Variants in SEMA4D observed in about 807,000 individuals in gnomAD.
The protein encoded by SEMA4D is semaphorin-4D.
In SEMA4D, 22 loss-of-function variants were observed where a neutral mutation model predicts 74.8. That is an observed-to-expected ratio of 0.29 (90% confidence interval 0.21 to 0.42). The LOEUF (loss-of-function observed/expected upper bound fraction) is 0.42. Among genes scored for constraint, SEMA4D ranks in the 10% least tolerant of loss-of-function variants. The probability of loss-of-function intolerance (pLI) is 1.00; values close to 1 mark genes in which losing one functional copy is unlikely to be tolerated. For missense variants in SEMA4D, 937 were observed against 1,118.4 expected (o/e 0.84, Z 2.31); for synonymous variants, 445 against 463.7 (o/e 0.96, Z 0.52).
At chr9:89,424,056 C>T (rs991569535) in intron 2 of SEMA4D, among the ~76,000 whole-genome samples, 2 of 151,256 alleles carry the variant, frequency 1.3e-5, no homozygotes, top group Admixed American at 1.3e-4. Context: ...CCCTCAGCAC[C>T]TCCCCTTTCT....
At chr9:89,448,677 T>C (rs1853576784) in intron 2 of SEMA4D, among the ~76,000 whole-genome samples, 1 of 152,190 alleles carries the variant, frequency 6.6e-6, no homozygotes, top group Non-Finnish European at 1.5e-5. Context: ...AGCTATTCAA[T>C]GAAAGGGCTT....
intron 1 of SEMA4D, among the ~76,000 whole-genome samples, chr9:89,460,376 G>A (rs1254565885): frequency 6.6e-6 from 1 of 152,256 alleles, no homozygotes; most frequent in Admixed American, 6.5e-5. Context: ...CTCATGGTCA[G>A]CATGTGGCCA....
At chr9:89,376,501 G>A (rs1021419179), downstream of SEMA4D, 4 of 220,846 alleles carry the variant, frequency 1.8e-5, no homozygotes, top group African/African-American at 4.5e-5. Flanking sequence ...CTGACCACTC[G>A]TTGTGTATTG....
At chr9:89,423,476 C>T (rs1405486438) in intron 2 of SEMA4D, among the ~76,000 whole-genome samples, 1 of 152,176 alleles carries the variant, frequency 6.6e-6, no homozygotes, top group Non-Finnish European at 1.5e-5. Flanking sequence ...AGGCATGAGC[C>T]ACTGTGTCCG....
intron 6 of SEMA4D, among the ~76,000 whole-genome samples, chr9:89,395,651 G>T (rs1299811133): frequency 6.6e-6 from 1 of 152,100 alleles, no homozygotes; most frequent in African/African-American, 2.4e-5. Flanking sequence ...AGGACTGAGG[G>T]TCTTACTATC....
Position 89,449,565 on chromosome 9 carries a change from G to A in SEMA4D, c.-244+6323C>T, listed in dbSNP as rs934553785. ...AGTGGTGGTGGCAGGAAGATGTCAGGCAAAGACGAGCAGCAGGAGCAAACT... is the reference window on the plus strand; with the variant it reads ...AGTGGTGGTGGCAGGAAGATGTCAGACAAAGACGAGCAGCAGGAGCAAACT... On this transcript the variant is annotated intron_variant, in intron 2 of 15. Coordinates refer to ENST00000422704, the MANE Select transcript of SEMA4D (RefSeq NM_001371194.2). 28 of 807,570 alleles carry A rather than the reference G, an allele frequency of 3.5e-5. No individual in the cohort carries two copies. The African/African-American group carries it at 4.4e-4, about 13-fold the overall frequency. The allele number at this position is 807,570 out of a possible 1,614,324, so 50.0% of individuals were successfully genotyped here.
Position 89,377,984 on chromosome 9 carries a change from AAAAG to A in SEMA4D, c.*716_*719del, listed in dbSNP as rs971170487. On this transcript the variant is annotated 3_prime_UTR_variant, in exon 16 of 16. Transcript: ENST00000422704. ...GAATAAAGTTAAAAAAAAAAAAAGA[AAAAG>A]AAAAAAGGTGAGTGGGCTCCGGGGA... The A allele has an allele frequency of 3.3e-5, 5 of 152,622 alleles. No homozygotes were observed. Among genetic ancestry groups the A allele is most frequent in the African/African-American group, 1.2e-4 (5 of 41,572 alleles). The allele number at this position is 152,622 out of a possible 1,614,324, so 9.5% of individuals were successfully genotyped here.
At chr9:89,443,687 G>A (rs1852186863) in intron 2 of SEMA4D, among the ~76,000 whole-genome samples, 1 of 152,216 alleles carries the variant, frequency 6.6e-6, no homozygotes, top group Admixed American at 6.5e-5. Flanking sequence ...TGTCCTGGCT[G>A]TGAGTCCTGT....
intron 2 of SEMA4D, among the ~76,000 whole-genome samples, chr9:89,444,213 C>G (rs964421354): frequency 6.6e-6 from 1 of 152,210 alleles, no homozygotes; most frequent in African/African-American, 2.4e-5. Context: ...ACCTTGGCCT[C>G]CCTCCCCACC....
chr9:89,385,165 C>T, intron 13 of SEMA4D: 1 of 889,696 alleles, frequency 1.1e-6, no homozygotes, highest in South Asian at 5.1e-5. Context: ...TCTGTGCGGC[C>T]CTCCTCTTCC....
At chr9:89,469,353 T>TC (rs752272531) in intron 1 of SEMA4D, among the ~76,000 whole-genome samples, 26,083 of 152,162 alleles carry the variant, frequency 0.17, no homozygotes, top group East Asian at 0.27. Flanking sequence ...TTGGTAGAAT[T>TC]TTCCAGTAAA....
chr9:89,495,506 C>T lies in SEMA4D; in HGVS notation c.-310+2413G>A, dbSNP rs559508095. ...GGAACTGCACCTGCCAAGCCCAGGG[C>T]GGACCCTGGCCCAGGGAAGAGAGGA... is the stretch of plus-strand genomic sequence containing the variant. On this transcript the variant is annotated intron_variant, in intron 1 of 15. Coordinates refer to ENST00000422704, the MANE Select transcript of SEMA4D (RefSeq NM_001371194.2). Among the ~76,000 whole-genome samples, 155 of 152,226 alleles carry T rather than the reference C, an allele frequency of 1.0e-3. 1 individual carries two copies. Among genetic ancestry groups the T allele is most frequent in the African/African-American group, 3.5e-3 (147 of 41,538 alleles).
intron 2 of SEMA4D, among the ~76,000 whole-genome samples, chr9:89,420,457 G>C (rs1343035894): frequency 3.3e-5 from 5 of 152,254 alleles, no homozygotes; most frequent in African/African-American, 1.2e-4. Flanking sequence ...AATTAGGAGA[G>C]AGAAGCATTT....
intron 1 of SEMA4D, among the ~76,000 whole-genome samples, chr9:89,480,686 C>T (rs1029714053): frequency 6.6e-6 from 1 of 152,238 alleles, no homozygotes; most frequent in Non-Finnish European, 1.5e-5. Flanking sequence ...TTGCCCGGGG[C>T]CAGAAGGGCT....
At position 89,379,206 on chromosome 9, in the gene SEMA4D, G is replaced by C. The variant is rs1405404257; in HGVS notation, c.2087C>G (p.Thr696Ser). The change falls in exon 16 of 16, where the codon ACC (threonine) becomes AGC (serine). Residue 696 changes from threonine to serine, a missense_variant. Physicochemically the swap from Thr to Ser is moderately conservative, Grantham distance 58. Transcript: ENST00000422704. ...AVQATSSGAI[T>S]LPPKPAPTGT... is the part of the protein sequence containing the mutation. ...GGTGGGCGCAGGCTTGGGAGGAAGG[G>C]TGATGGCCCCGGAGGAGGTGGCCTG... 1 of 1,613,998 alleles carries C rather than the reference G, an allele frequency of 6.2e-7. No homozygotes were observed. Among genetic ancestry groups the C allele is most frequent in the Non-Finnish European group, 8.5e-7 (1 of 1,179,966 alleles).
chr9:89,374,120 G>A (rs1418300274), downstream of SEMA4D, among the ~76,000 whole-genome samples: 1 of 152,208 alleles, frequency 6.6e-6, no homozygotes, highest in Non-Finnish European at 1.5e-5. Flanking sequence ...TGTCCCAGAT[G>A]GGGCCAAATG....
chr9:89,494,646 C>G (rs1825870701), intron 1 of SEMA4D, among the ~76,000 whole-genome samples: 1 of 152,152 alleles, frequency 6.6e-6, no homozygotes, highest in African/African-American at 2.4e-5. Context: ...AATTGGAGAT[C>G]TCCGATTATT....
At chr9:89,468,964 A>G (rs886721515) in intron 1 of SEMA4D, among the ~76,000 whole-genome samples, 4 of 152,212 alleles carry the variant, frequency 2.6e-5, no homozygotes, top group Non-Finnish European at 4.4e-5. Flanking sequence ...ATCCAGCCCC[A>G]TAAGAATCTG....
intron 1 of SEMA4D, among the ~76,000 whole-genome samples, chr9:89,462,979 CGAGGGA>C (rs1554782380): frequency 3.5e-5 from 5 of 142,664 alleles, no homozygotes; most frequent in South Asian, 2.2e-4. Context: ...GGGAGGGGAG[CGAGGGA>C]GAAAGAGAGG....
Sources: allele counts gnomAD v4.1 joint callset (sites outside exome capture counted in the v4.1 genomes callset), GRCh38; gene constraint gnomAD v4.1.1; transcripts MANE v1.5; gene names NCBI Gene and HGNC (gene_info 2026-07-23, HGNC 2026-07-21).